The following EDRF1 variants were observed in gnomAD, a reference collection of about 807,000 sequenced individuals.
The protein encoded by EDRF1 is erythroid differentiation regulatory factor 1.
In EDRF1, 69 loss-of-function variants were observed where a neutral mutation model predicts 148.7. The ratio of observed to expected loss-of-function variants is 0.46; its 90% confidence interval spans 0.38 to 0.57. The LOEUF (loss-of-function observed/expected upper bound fraction) is 0.57. EDRF1 is among the 20% of genes least tolerant of loss of function. The probability of loss-of-function intolerance (pLI) is 0.00; values close to 1 mark genes in which losing one functional copy is unlikely to be tolerated. For missense variants in EDRF1, 1,118 were observed against 1,478.7 expected, an observed-to-expected ratio of 0.76 and a Z score of 4.00; for synonymous variants, 515 against 532.8, an observed-to-expected ratio of 0.97 and a Z score of 0.46.
chr10:125,749,615 G>A, intron 22 of EDRF1, 50 bp downstream of exon 22: 2 of 1,601,850 alleles, frequency 1.2e-6, no homozygotes, highest in Non-Finnish European at 8.5e-7. Flanking sequence ...GCTTAGTGCT[G>A]GATTGTCTTA....
intron 21 of EDRF1, chr10:125,748,323 C>T: frequency 2.4e-6 from 1 of 421,320 alleles, no homozygotes; most frequent in Non-Finnish European, 4.4e-6. Flanking sequence ...TTTCTCAGCT[C>T]AGTAGTCATT....
intron 18 of EDRF1, among the ~76,000 whole-genome samples, chr10:125,744,219 CTTT>C (rs779660582): frequency 8.9e-5 from 12 of 135,296 alleles, no homozygotes; most frequent in East Asian, 2.1e-4. Flanking sequence ...TTGGTTGTTT[CTTT>C]TTTTTTTTTT....
intron 6 of EDRF1, among the ~76,000 whole-genome samples, chr10:125,727,529 C>G (rs913707111): frequency 6.6e-6 from 1 of 152,162 alleles, no homozygotes; most frequent in African/African-American, 2.4e-5. Flanking sequence ...GCCTGGCAAA[C>G]TGTTTTGAGA....
intron 2 of EDRF1, among the ~76,000 whole-genome samples, chr10:125,722,485 T>C (rs1312506244): frequency 6.6e-6 from 1 of 152,240 alleles, no homozygotes; most frequent in African/African-American, 2.4e-5. Context: ...AACATGGTGA[T>C]GTCGGGTACC....
intron 13 of EDRF1, 58 bp from the exon 14 acceptor site, chr10:125,737,859 CA>C: frequency 2.0e-6 from 3 of 1,500,294 alleles, no homozygotes; most frequent in Non-Finnish European, 1.9e-6. Context: ...TCAACAAAAA[CA>C]ATATGTTGAC....
chr10:125,722,968 G>T (rs1372363842), intron 2 of EDRF1, 100 bp from the exon 3 acceptor site: 8 of 996,412 alleles, frequency 8.0e-6, no homozygotes, highest in African/African-American at 1.6e-5. Flanking sequence ...TGTGGAAAAT[G>T]TGTATCCTAG....
Position 125,721,275 on chromosome 10 carries a change from T to G in EDRF1, c.180T>G (p.Pro60=), listed in dbSNP as rs778006769. 15 of 1,614,102 alleles carry G rather than the reference T, an allele frequency of 9.3e-6. No individual in the cohort carries two copies. The highest frequency in any genetic ancestry group is 1.3e-5 in the Non-Finnish European group (15 of 1,180,046). ...RAVVKYSSAP[P]RTAFARLEEK... is the part of the protein sequence containing the mutation. The stretch of plus-strand genomic sequence containing the variant: ...TGGTGAAATACTCTTCTGCCCCTCC[T>G]CGAACAGCATTTGCACGCCTTGAAG... Residue 60 remains proline (P), a synonymous_variant, in exon 2 of 25, where the codon CCT becomes CCG. Transcript: ENST00000356792.
chr10:125,747,349 G>A (rs920687264), intron 19 of EDRF1, 187 bp from the exon 20 acceptor site: 1 of 700,304 alleles, frequency 1.4e-6, no homozygotes, highest in East Asian at 2.8e-5. Context: ...AGTCTACTCG[G>A]AATAACTTTC....
chr10:125,747,832 A>AT lies in EDRF1; in HGVS notation c.2974-24dup, dbSNP rs760096127. The AT allele has an allele frequency of 1.4e-5, 22 of 1,613,710 alleles. No individual in the cohort carries two copies. In the Admixed American group the frequency reaches 3.7e-4, roughly 27 times the overall value. On this transcript the variant is annotated intron_variant, in intron 20 of 24. Coordinates refer to ENST00000356792, the MANE Select transcript of EDRF1 (RefSeq NM_001202438.2). ...ACTCCTACAGTCAGATTAGAAGCTT[A>AT]TTTTTTTCTTCCCCCTCAAAACAAG...
In EDRF1 at chr10:125,740,422, A is replaced by G. The variant is rs962195479; in HGVS notation, c.1982-41A>G. 3 of 1,599,824 alleles carry G rather than the reference A, an allele frequency of 1.9e-6. No individual in the cohort carries two copies. In the African/African-American group the frequency reaches 4.0e-5, roughly 21 times the overall value. On this transcript the variant is annotated intron_variant, in intron 15 of 24. Transcript: ENST00000356792. ...TTTTTTGTGCATGAGACTTACAGTC[A>G]AATGAAATGTGCTGTCTTTTTTTTT...
intron 22 of EDRF1, 82 bp downstream of exon 22, chr10:125,749,647 C>T: frequency 6.7e-7 from 1 of 1,488,662 alleles, no homozygotes; most frequent in Non-Finnish European, 9.3e-7. Context: ...GCCTGTGAAT[C>T]TAAATAATAC....
intron 4 of EDRF1, 79 bp from the exon 5 acceptor site, chr10:125,725,239 C>G: frequency 6.4e-7 from 1 of 1,556,330 alleles, no homozygotes; most frequent in Non-Finnish European, 8.8e-7. Context: ...TAATAGGAGC[C>G]TTTTCTGTAA....
intron 12 of EDRF1, among the ~76,000 whole-genome samples, chr10:125,735,338 G>A (rs1460163790): frequency 1.5e-4 from 23 of 152,054 alleles, no homozygotes; most frequent in Admixed American, 1.5e-3. Flanking sequence ...TAATATTTTA[G>A]TTATGACACT....
At chr10:125,724,330 T>A (rs1280357953) in intron 4 of EDRF1, among the ~76,000 whole-genome samples, 1 of 152,186 alleles carries the variant, frequency 6.6e-6, no homozygotes, top group African/African-American at 2.4e-5. Flanking sequence ...TATGAATAAA[T>A]ACAGTCATGT....
chr10:125,735,170 G>T (rs916049622), intron 12 of EDRF1, among the ~76,000 whole-genome samples: 3 of 148,158 alleles, frequency 2.0e-5, no homozygotes, highest in Non-Finnish European at 4.5e-5. Context: ...ATATCAGAAT[G>T]GACTTTTCCC....
intron 9 of EDRF1, among the ~76,000 whole-genome samples, chr10:125,732,551 T>C (rs1029032248): frequency 2.5e-4 from 38 of 152,034 alleles, no homozygotes; most frequent in African/African-American, 9.2e-4. Flanking sequence ...CCTCTCCTCA[T>C]AGGGGTAAAA....
chr10:125,722,556 A>G (rs1165723779), intron 2 of EDRF1, among the ~76,000 whole-genome samples: 1 of 152,148 alleles, frequency 6.6e-6, no homozygotes, highest in Admixed American at 6.5e-5. Context: ...TGGCTGCTCA[A>G]TTAACATTTT....
chr10:125,733,351 T>G (rs556401000), intron 9 of EDRF1, 53 bp from the exon 10 acceptor site: 7 of 1,432,238 alleles, frequency 4.9e-6, no homozygotes, highest in African/African-American at 2.8e-5. Context: ...AAGAAAGGTG[T>G]TGTTTCCTTG....
chr10:125,743,944 G>A (rs1849180003), intron 18 of EDRF1, among the ~76,000 whole-genome samples: 1 of 152,168 alleles, frequency 6.6e-6, no homozygotes, highest in Non-Finnish European at 1.5e-5. Context: ...TAAGATGTGA[G>A]ATGGTAAACC....
Sources: gnomAD v4.1 joint callset for allele counts (sites outside exome capture counted in the v4.1 genomes callset) on GRCh38, gnomAD v4.1.1 for gene constraint, MANE v1.5 for transcripts, NCBI Gene and HGNC (gene_info 2026-07-23, HGNC 2026-07-21) for gene names.